The following CACNA2D1 variants were observed in gnomAD, a reference collection of about 807,000 sequenced individuals.
The protein encoded by CACNA2D1 is voltage-dependent calcium channel subunit alpha-2/delta-1.
CACNA2D1 carries 53 observed loss-of-function variants against 171.5 expected under a neutral mutation model. The ratio of observed to expected loss-of-function variants is 0.31; its 90% CI spans 0.25 to 0.39. CACNA2D1 has a LOEUF of 0.39. Among genes scored for constraint, CACNA2D1 ranks in the 10% least tolerant of loss-of-function variants. CACNA2D1 has a pLI of 1.00. For synonymous variants in CACNA2D1, 442 were observed against 443.1 expected (o/e 1.00, Z 0.03); for missense variants, 903 against 1,299.8 (o/e 0.69, Z 4.69).
At position 81,967,630 on chromosome 7, in the gene CACNA2D1, A is replaced by C; in HGVS notation, c.2429T>G (p.Ile810Arg). ...VGIKIDVNSW[I>R]ENFTKTSIRD... ...GATTGAGGTTTTGGTGAAATTCTCT[A>C]TCCAGGAATTTACATCAATTTTAAT... is the stretch of plus-strand genomic sequence containing the variant. Residue 810 changes from isoleucine (I) to arginine (R), a missense_variant, in exon 30 of 39, where the codon ATA becomes AGA. Around this residue, in one of 5 missense-constraint regions of CACNA2D1, gnomAD observed 623 missense variants for 925.5 expected, o/e 0.67. Transcript: ENST00000356860. 4 of 1,518,488 alleles carry C rather than the reference A, an allele frequency of 2.6e-6. No homozygotes were observed. Among genetic ancestry groups the C allele is most frequent in the Non-Finnish European group, 3.6e-6 (4 of 1,099,434 alleles). The allele number at this position is 1,518,488 out of a possible 1,614,324, so 94.1% of individuals were successfully genotyped here. A position where few individuals can be genotyped will look rare whatever the true frequency, so the allele number is the denominator to read the frequency against.
At chr7:82,123,595 G>A (rs1789993740) in intron 5 of CACNA2D1, among the ~76,000 whole-genome samples, 1 of 152,064 alleles carries the variant, frequency 6.6e-6, no homozygotes, top group Non-Finnish European at 1.5e-5. Context: ...TTCCTCATAG[G>A]TGCCCACTGC....
At chr7:82,140,267 A>C (rs1792215086) in intron 4 of CACNA2D1, among the ~76,000 whole-genome samples, 1 of 152,196 alleles carries the variant, frequency 6.6e-6, no homozygotes, top group Admixed American at 6.5e-5. Context: ...CGTAGACCTT[A>C]GTGGAATTTG....
intron 10 of CACNA2D1, among the ~76,000 whole-genome samples, chr7:82,042,778 T>C (rs1349199054): frequency 6.6e-6 from 1 of 152,188 alleles, no homozygotes; most frequent in Non-Finnish European, 1.5e-5. Context: ...ATACTTTTTC[T>C]CCCTTCTTCA....
chr7:82,110,838 C>A (rs932578903), intron 6 of CACNA2D1, among the ~76,000 whole-genome samples: 1 of 152,158 alleles, frequency 6.6e-6, no homozygotes, highest in Non-Finnish European at 1.5e-5. Flanking sequence ...TCTCTCTTAA[C>A]CCAGGCACTA....
intron 9 of CACNA2D1, among the ~76,000 whole-genome samples, chr7:82,061,049 G>C (rs1310545183): frequency 6.6e-6 from 1 of 151,900 alleles, no homozygotes; most frequent in Non-Finnish European, 1.5e-5. Flanking sequence ...TACAATACTT[G>C]GTGACTTCAC....
intron 3 of CACNA2D1, among the ~76,000 whole-genome samples, chr7:82,284,813 G>A (rs977409310): frequency 1.3e-5 from 2 of 152,120 alleles, no homozygotes; most frequent in Non-Finnish European, 2.9e-5. Context: ...CAGGCCATAG[G>A]AATAGTATAT....
chr7:82,149,557 G>A (rs958393602), intron 4 of CACNA2D1, among the ~76,000 whole-genome samples: 1 of 151,884 alleles, frequency 6.6e-6, no homozygotes, highest in Non-Finnish European at 1.5e-5. Flanking sequence ...ACTGTCACTC[G>A]GAGTGTTCAC....
At chr7:82,333,725 A>C (rs1213301435) in intron 3 of CACNA2D1, among the ~76,000 whole-genome samples, 1 of 151,874 alleles carries the variant, frequency 6.6e-6, no homozygotes, top group Non-Finnish European at 1.5e-5. Flanking sequence ...ACTGGAGTTT[A>C]CTAGGGGAAG....
chr7:81,996,141 CTA>C (rs1434217342), intron 19 of CACNA2D1, among the ~76,000 whole-genome samples: 1 of 152,058 alleles, frequency 6.6e-6, no homozygotes, highest in Non-Finnish European at 1.5e-5. Context: ...TAAGTCCTTT[CTA>C]TATATTATTT....
chr7:82,384,099 C>T (rs1288380240), intron 1 of CACNA2D1, among the ~76,000 whole-genome samples: 3 of 152,224 alleles, frequency 2.0e-5, no homozygotes, highest in Admixed American at 6.5e-5. Flanking sequence ...TATACTGAAA[C>T]CTCTCATTTA....
At position 82,392,511 on chromosome 7, in the gene CACNA2D1, T is replaced by C. The variant is rs73384008; in HGVS notation, c.96-42862A>G. On this transcript the variant is annotated intron_variant, in intron 1 of 38. Transcript: ENST00000356860. ...AATGCAGGGGGGCTGGGACACACTC[T>C]GCCCAGCCATGGGCTGAGCTGGTAT... Among the ~76,000 whole-genome samples, 440 of 152,278 alleles carry C rather than the reference T, an allele frequency of 2.9e-3. 2 individuals are homozygous for C. Among genetic ancestry groups the C allele is most frequent in the African/African-American group, 9.8e-3 (408 of 41,562 alleles).
intron 2 of CACNA2D1, among the ~76,000 whole-genome samples, chr7:82,335,831 TG>T (rs1817928784): frequency 6.6e-6 from 1 of 152,074 alleles, no homozygotes; most frequent in Non-Finnish European, 1.5e-5. Context: ...TCAAAGTAAA[TG>T]TTGCTGTTAG....
rs71093370 is a variant in CACNA2D1 at position 82,232,861 on chromosome 7, C to CAAAAAAAAAAA, written c.295-62263_295-62253dup. Among the ~76,000 whole-genome samples the CAAAAAAAAAAA allele has an allele frequency of 3.2e-4, 17 of 52,452 alleles. 1 individual carries two copies. Among genetic ancestry groups the CAAAAAAAAAAA allele is most frequent in the African/African-American group, 1.1e-3 (17 of 15,202 alleles). 34.4% of individuals were successfully genotyped at this position (52,452 alleles called of 152,430 possible). A position where few individuals can be genotyped will look rare whatever the true frequency, so the allele number is the denominator to read the frequency against. On this transcript the variant is annotated intron_variant, in intron 3 of 38. Coordinates refer to ENST00000356860, the MANE Select transcript of CACNA2D1 (RefSeq NM_000722.4). ...CCTGGGCAACAGAGCGAGATGTCTCCAAAAAAAAAAAAAAAAAAAAAAAAA... is the reference window on the plus strand; with the variant it reads ...CCTGGGCAACAGAGCGAGATGTCTCCAAAAAAAAAAAAAAAAAAAAAAAAAAAAAAAAAAAA...
chr7:82,117,240 C>T, intron 5 of CACNA2D1, 67 bp from the exon 6 acceptor site: 1 of 1,450,384 alleles, frequency 6.9e-7, no homozygotes, highest in Non-Finnish European at 9.6e-7. Flanking sequence ...ACATGCACTT[C>T]TTTACTTGCC....
chr7:82,334,989 A>C (rs950415590), intron 3 of CACNA2D1, 146 bp downstream of exon 3: 2 of 616,048 alleles, frequency 3.2e-6, no homozygotes, highest in African/African-American at 3.7e-5. Flanking sequence ...CATTTAAACC[A>C]TGATATCTCA....
chr7:82,295,822 C>A (rs908002650), intron 3 of CACNA2D1, among the ~76,000 whole-genome samples: 1 of 151,832 alleles, frequency 6.6e-6, no homozygotes, highest in African/African-American at 2.4e-5. Flanking sequence ...ATGTTTATTG[C>A]GGCACTATTC....
Position 82,306,876 on chromosome 7 carries a change from A to G in CACNA2D1, c.294+28259T>C, listed in dbSNP as rs1375575533. On this transcript the variant is annotated intron_variant, in intron 3 of 38. Transcript: ENST00000356860. ...CTCTTACTGGTATCTACGAAAAAAT[A>G]CAAAAAAAAAAAAAAAATAGCCTTA... 6.4e-5 allele frequency among the ~76,000 whole-genome samples: 5 copies of G among 78,482 alleles called. 1 individual carries two copies. The highest frequency in any genetic ancestry group is 3.6e-4 in the Admixed American group (3 of 8,248). The allele number at this position is 78,482 out of a possible 152,430, so 51.5% of individuals were successfully genotyped here.
chr7:82,264,565 C>A (rs951706850), intron 3 of CACNA2D1, among the ~76,000 whole-genome samples: 1 of 152,212 alleles, frequency 6.6e-6, no homozygotes, highest in Non-Finnish European at 1.5e-5. Context: ...AAGCCACCCA[C>A]TTTAATGGCT....
intron 3 of CACNA2D1, among the ~76,000 whole-genome samples, chr7:82,232,671 C>T (rs1274244426): frequency 6.6e-6 from 1 of 151,758 alleles, no homozygotes; most frequent in African/African-American, 2.4e-5. Flanking sequence ...GGAGACCATC[C>T]TGGCTAACAC....
Sources: allele counts gnomAD v4.1 joint callset (sites outside exome capture counted in the v4.1 genomes callset), GRCh38; gene constraint gnomAD v4.1.1; regional missense constraint gnomAD v4.1.1; transcripts MANE v1.5; gene names NCBI Gene and HGNC (gene_info 2026-07-23, HGNC 2026-07-21).